The following KIAA0825 variants were observed in gnomAD, a reference collection of about 807,000 sequenced individuals.
KIAA0825 encodes the protein KIAA0825.
A neutral mutation model predicts 147.6 loss-of-function variants in KIAA0825; 119 were observed. The observed-to-expected ratio is 0.81, with a 90% CI of 0.69 to 0.94. The LOEUF is 0.94. Ranked by LOEUF, KIAA0825 falls within the 40% of genes least tolerant of loss-of-function variation. KIAA0825 has a pLI of 0.00. For missense variants in KIAA0825, 1,381 were observed against 1,472.7 expected (o/e 0.94, Z 1.02); for synonymous variants, 470 against 518.1 (o/e 0.91, Z 1.26).
At chr5:94,565,538 C>T (rs954635793) in intron 2 of KIAA0825, among the ~76,000 whole-genome samples, 1 of 151,864 alleles carries the variant, frequency 6.6e-6, no homozygotes, top group Non-Finnish European at 1.5e-5. Context: ...GATGGGGTTT[C>T]ACCATGTTGG....
chr5:94,602,962 G>A (rs757179639), intron 1 of KIAA0825, among the ~76,000 whole-genome samples: 1 of 151,848 alleles, frequency 6.6e-6, no homozygotes, highest in Admixed American at 6.6e-5. Flanking sequence ...CCAAGTAGTT[G>A]GGATTACAGG....
chr5:94,345,158 G>T (rs1229747950), intron 20 of KIAA0825, among the ~76,000 whole-genome samples: 1 of 152,142 alleles, frequency 6.6e-6, no homozygotes, highest in Non-Finnish European at 1.5e-5. Context: ...ATGGTGTTCA[G>T]AAAGAGCGTG....
intron 20 of KIAA0825, among the ~76,000 whole-genome samples, chr5:94,201,080 A>G (rs1771640600): frequency 6.7e-6 from 1 of 148,730 alleles, no homozygotes; most frequent in Admixed American, 6.7e-5. Flanking sequence ...TACTTTGTGG[A>G]AGCATAATAT....
intron 5 of KIAA0825, among the ~76,000 whole-genome samples, chr5:94,498,867 G>T (rs762668638): frequency 1.6e-4 from 25 of 152,112 alleles, no homozygotes; most frequent in Admixed American, 2.6e-4. Flanking sequence ...TCTTCATGAA[G>T]TTTTTCTAGC....
chr5:94,550,240 T>C (rs1775264240), intron 2 of KIAA0825, among the ~76,000 whole-genome samples: 1 of 152,186 alleles, frequency 6.6e-6, no homozygotes, highest in Admixed American at 6.5e-5. Context: ...CTGTGCCACC[T>C]GCATTTCTAG....
At chr5:94,224,910 C>G (rs1583903950) in intron 20 of KIAA0825, among the ~76,000 whole-genome samples, 1 of 152,268 alleles carries the variant, frequency 6.6e-6, no homozygotes, top group South Asian at 2.1e-4. Context: ...TCATCTGTCT[C>G]TAAATTAAGA....
At chr5:94,538,138 G>A (rs185035337) in intron 2 of KIAA0825, among the ~76,000 whole-genome samples, 1 of 152,222 alleles carries the variant, frequency 6.6e-6, no homozygotes, top group Non-Finnish European at 1.5e-5. Context: ...TATTCTAGTG[G>A]GGAAGACAGA....
intron 20 of KIAA0825, among the ~76,000 whole-genome samples, chr5:94,183,095 C>A (rs1769812374): frequency 6.6e-6 from 1 of 152,056 alleles, no homozygotes; most frequent in East Asian, 1.9e-4. Context: ...TCTGTACAGC[C>A]AGAAATGAAT....
chr5:94,425,923 C>T (rs1285007422), intron 14 of KIAA0825, among the ~76,000 whole-genome samples: 1 of 151,922 alleles, frequency 6.6e-6, no homozygotes, highest in Admixed American at 6.6e-5. Context: ...AAATGACTCC[C>T]TAAAGCTTTG....
chr5:94,476,998 T>G, intron 7 of KIAA0825, 113 bp downstream of exon 7: 4 of 784,052 alleles, frequency 5.1e-6, no homozygotes, highest in Non-Finnish European at 7.9e-6. Context: ...AATTGAAAAA[T>G]TATTTTTTTG....
chr5:94,602,353 A>AG (rs1786648185), intron 1 of KIAA0825, among the ~76,000 whole-genome samples: 2 of 149,958 alleles, frequency 1.3e-5, no homozygotes, highest in East Asian at 1.9e-4. Context: ...TCTGTCTCAA[A>AG]GAAAAAAAAA....
At chr5:94,610,788 T>A (rs370946681) in intron 1 of KIAA0825, among the ~76,000 whole-genome samples, 54 of 65,924 alleles carry the variant, frequency 8.2e-4, no homozygotes, top group South Asian at 1.2e-3. Flanking sequence ...AAAAAAAAAG[T>A]ATATATATAT....
intron 2 of KIAA0825, among the ~76,000 whole-genome samples, chr5:94,555,976 T>C (rs1182750662): frequency 2.0e-5 from 3 of 152,180 alleles, no homozygotes; most frequent in Admixed American, 1.3e-4. Flanking sequence ...ATTTAAGTTA[T>C]GGAGCACTTT....
chr5:94,321,499 C>CA (rs1437709564), intron 20 of KIAA0825, among the ~76,000 whole-genome samples: 1 of 151,912 alleles, frequency 6.6e-6, no homozygotes, highest in East Asian at 1.9e-4. Flanking sequence ...GTAGGCTGTT[C>CA]AAAATCACAC....
intron 2 of KIAA0825, among the ~76,000 whole-genome samples, chr5:94,564,233 T>G (rs1778139780): frequency 6.7e-6 from 1 of 149,628 alleles, no homozygotes; most frequent in African/African-American, 2.5e-5. Context: ...TTTTTTTTTT[T>G]GCAGACAAGG....
intron 20 of KIAA0825, among the ~76,000 whole-genome samples, chr5:94,206,526 A>G (rs1429849910): frequency 6.6e-6 from 1 of 152,146 alleles, no homozygotes; most frequent in Non-Finnish European, 1.5e-5. Context: ...CTTGTACAGG[A>G]CAGATTGATT....
chr5:94,291,517 C>T (rs1033226541), intron 20 of KIAA0825, among the ~76,000 whole-genome samples: 10 of 152,156 alleles, frequency 6.6e-5, no homozygotes, highest in Admixed American at 6.5e-4. Flanking sequence ...TTACTGTAAA[C>T]TTGTAGTATA....
At chr5:94,182,992 G>A (rs1769801916) in intron 20 of KIAA0825, among the ~76,000 whole-genome samples, 2 of 152,116 alleles carry the variant, frequency 1.3e-5, no homozygotes, top group Admixed American at 1.3e-4. Flanking sequence ...GTCCCAAGAG[G>A]TTGTGTATAT....
At chr5:94,440,779 A>C (rs949587404) in intron 13 of KIAA0825, among the ~76,000 whole-genome samples, 2 of 152,092 alleles carry the variant, frequency 1.3e-5, no homozygotes, top group African/African-American at 4.8e-5. Flanking sequence ...CAGGTCTCTC[A>C]CATCACCACT....
Sources: allele counts gnomAD v4.1 joint callset (sites outside exome capture counted in the v4.1 genomes callset), GRCh38; gene constraint gnomAD v4.1.1; transcripts MANE v1.5; gene names NCBI Gene and HGNC (gene_info 2026-07-23, HGNC 2026-07-21).